MCF2L: variants seen among roughly 807,000 people sequenced by gnomAD.
MCF2L encodes the protein guanine nucleotide exchange factor DBS.
MCF2L carries 97 observed loss-of-function variants against 153.4 expected under a neutral mutation model. That is an observed-to-expected ratio of 0.63 (90% CI 0.54 to 0.75). The LOEUF (loss-of-function observed/expected upper bound fraction) is 0.75, where lower values mean the gene tolerates loss of function less well. Among genes scored for constraint, MCF2L ranks in the 30% least tolerant of loss-of-function variants. MCF2L has a pLI of 0.00. For synonymous variants in MCF2L, 659 were observed against 632.2 expected (o/e 1.04, Z -0.64); for missense variants, 1,347 against 1,495.2 (o/e 0.90, Z 1.64).
At chr13:113,050,017 C>T (rs893937287) in intron 4 of MCF2L, among the ~76,000 whole-genome samples, 2 of 148,650 alleles carry the variant, frequency 1.3e-5, no homozygotes. Flanking sequence ...GCTACCCACC[C>T]AGGGGGCAGA....
intron 4 of MCF2L, among the ~76,000 whole-genome samples, chr13:113,050,093 A>G (rs76232007): frequency 0.041 from 6,191 of 152,234 alleles, 220 homozygotes; most frequent in East Asian, 0.18. Flanking sequence ...CTCAGATAGA[A>G]GCATCTTTTA....
rs144161603 is a variant in MCF2L at position 113,075,047 on chromosome 13, T to C, written c.1166T>C (p.Ile389Thr). 239 of 1,612,702 alleles carry C rather than the reference T, an allele frequency of 1.5e-4. No homozygotes were observed. The highest frequency in any genetic ancestry group is 2.0e-4 in the Non-Finnish European group (230 of 1,179,248). The change falls in exon 11 of 30, where the codon ATT becomes ACT. Residue 389 changes from isoleucine (I) to threonine (T), a missense_variant. Ile to Thr is a moderately conservative substitution (Grantham distance 89, BLOSUM62 -1). Coordinates refer to ENST00000535094, the MANE Select transcript of MCF2L (RefSeq NM_001112732.3). ...RALSLDGEQLIGNKHYAVDSI... is the reference protein window; with the variant it reads ...RALSLDGEQLTGNKHYAVDSI... ...CTGTCTCTGGACGGCGAGCAGCTCA[T>C]TGGGAACAAGCACTACGCGGTAGAC...
At chr13:113,084,277 GAA>G (rs1464991043) in intron 18 of MCF2L, among the ~76,000 whole-genome samples, 12 of 124,618 alleles carry the variant, frequency 9.6e-5, no homozygotes, top group African/African-American at 1.8e-4. Context: ...CTGAACCCCA[GAA>G]AACGTCCTGA....
chr13:113,041,451 ATGTGGCCCTGCCCCCGTGAC>A, intron 3 of MCF2L, among the ~76,000 whole-genome samples: 6 of 150,884 alleles, frequency 4.0e-5, no homozygotes, highest in African/African-American at 1.2e-4. Flanking sequence ...ATGGGGGATC[ATGTGGCCCTGCCCCCGTGAC>A]CACAGTCAGT....
intron 21 of MCF2L, 76 bp downstream of exon 21, chr13:113,086,325 G>C (rs1018416404): frequency 1.8e-5 from 28 of 1,574,156 alleles, no homozygotes; most frequent in Non-Finnish European, 2.4e-5. Flanking sequence ...CGGCCTCCCT[G>C]CACACGCCCC....
chr13:112,988,574 G>A (rs1047878553), intron 1 of MCF2L, among the ~76,000 whole-genome samples: 1 of 151,234 alleles, frequency 6.6e-6, no homozygotes, highest in African/African-American at 2.4e-5. Flanking sequence ...CCCTGAGCAG[G>A]GGATGGGCTA....
In MCF2L at chr13:112,932,979, C is replaced by A. The variant is rs2081478387; in HGVS notation, c.169+30608C>A. On this transcript the variant is annotated intron_variant, in intron 2 of 29. Transcript: ENST00000375608. The surrounding 1 kb of genome is among the most constrained non-coding windows in gnomAD (Gnocchi z 4.6). ...GCAGGAGGTGGAGATTTTAGTGAGGCAAGATTGTGCCACTGCCCCCCAACC... is the reference window on the plus strand; with the variant it reads ...GCAGGAGGTGGAGATTTTAGTGAGGAAAGATTGTGCCACTGCCCCCCAACC... Among the ~76,000 whole-genome samples the A allele has an allele frequency of 6.6e-6, 1 of 152,064 alleles. No individual in the cohort carries two copies. Among genetic ancestry groups the A allele is most frequent in the Non-Finnish European group, 1.5e-5 (1 of 68,008 alleles).
intron 1 of MCF2L, among the ~76,000 whole-genome samples, chr13:112,972,905 G>A (rs1186624476): frequency 7.5e-6 from 1 of 133,812 alleles, no homozygotes; most frequent in Non-Finnish European, 1.6e-5. Flanking sequence ...AGCTCTTCCT[G>A]GGAAGGGCCT....
chr13:112,998,367 G>A (rs1023872572), intron 1 of MCF2L, among the ~76,000 whole-genome samples: 2 of 152,186 alleles, frequency 1.3e-5, no homozygotes, highest in African/African-American at 4.8e-5. Flanking sequence ...CCAAGCGTGA[G>A]GAGGCCGTGA....
chr13:113,084,108 AAAGTACTGAAT>A, intron 18 of MCF2L, 41 bp downstream of exon 18: 2 of 1,465,596 alleles, frequency 1.4e-6, no homozygotes, highest in South Asian at 2.3e-5. Flanking sequence ...CAACTTCTTA[AAAGTACTGAAT>A]AATGACTTCA....
At chr13:112,996,220 T>TGCTC (rs1396809895) in intron 1 of MCF2L, among the ~76,000 whole-genome samples, 2 of 152,100 alleles carry the variant, frequency 1.3e-5, no homozygotes, top group East Asian at 3.9e-4. Flanking sequence ...CCCAGGAGAC[T>TGCTC]AAGGCGGGAG....
intron 2 of MCF2L, among the ~76,000 whole-genome samples, chr13:112,930,414 T>C (rs887082711): frequency 6.6e-6 from 1 of 152,150 alleles, no homozygotes; most frequent in Non-Finnish European, 1.5e-5. Context: ...TAGATGCTTA[T>C]TGCCAAGAGG....
rs1405346265 is a variant in MCF2L at position 112,969,582 on chromosome 13, G to C, written c.79+124G>C. The C allele has an allele frequency of 2.7e-6, 4 of 1,480,462 alleles. No individual in the cohort carries two copies. In the Admixed American group the frequency reaches 8.2e-5, roughly 30 times the overall value. The allele number at this position is 1,480,462 out of a possible 1,614,324, so 91.7% of individuals were successfully genotyped here. A position where few individuals can be genotyped will look rare whatever the true frequency, so the allele number is the denominator to read the frequency against. ...GTTCCTTTCTAGCCGTGGTAGCTGTGACATGGGGGGCACTGGTTGGCAGCT... is the reference window on the plus strand; with the variant it reads ...GTTCCTTTCTAGCCGTGGTAGCTGTCACATGGGGGGCACTGGTTGGCAGCT... On this transcript the variant is annotated intron_variant, in intron 1 of 29. Coordinates refer to ENST00000535094, the MANE Select transcript of MCF2L (RefSeq NM_001112732.3). This position sits in a 1 kb window ranked among gnomAD's most constrained non-coding sequence, Gnocchi z 4.8.
At chr13:112,895,270 G>A (rs977610384) in intron 1 of MCF2L, among the ~76,000 whole-genome samples, 1 of 152,302 alleles carries the variant, frequency 6.6e-6, no homozygotes, top group East Asian at 1.9e-4. Flanking sequence ...GGCGTGGCCC[G>A]CATGACCCTC....
At chr13:112,931,249 C>A (rs1337002999) in intron 2 of MCF2L, among the ~76,000 whole-genome samples, 5 of 152,216 alleles carry the variant, frequency 3.3e-5, no homozygotes, top group African/African-American at 1.2e-4. Context: ...GAACAGGGTG[C>A]TGACCTGCGT....
intron 1 of MCF2L, among the ~76,000 whole-genome samples, chr13:112,997,123 C>A (rs929365250): frequency 6.6e-6 from 1 of 152,260 alleles, no homozygotes; most frequent in Non-Finnish European, 1.5e-5. Flanking sequence ...ACGTCTCCAT[C>A]TGGGGAGAGC....
chr13:113,095,704 C>A (rs1566891521), intron 27 of MCF2L: 50 of 992,480 alleles, frequency 5.0e-5, no homozygotes, highest in Non-Finnish European at 6.0e-5. Context: ...CTGCTCCAGG[C>A]CCTGCAGCCG....
intron 1 of MCF2L, chr13:113,001,728 G>A (rs745596275): frequency 6.6e-5 from 89 of 1,358,682 alleles, no homozygotes; most frequent in Middle Eastern, 2.7e-4. Flanking sequence ...ACATCGAATC[G>A]GAGGCCCTGG....
chr13:112,987,045 C>A (rs946079278), intron 1 of MCF2L, among the ~76,000 whole-genome samples: 4 of 152,134 alleles, frequency 2.6e-5, no homozygotes, highest in African/African-American at 9.7e-5. Flanking sequence ...GCCACAGCCA[C>A]CCTGGGCTGC....
Sources: gnomAD v4.1 joint callset for allele counts (sites outside exome capture counted in the v4.1 genomes callset) on GRCh38, gnomAD v4.1.1 for gene constraint, Gnocchi (gnomAD v3.1) non-coding constraint, MANE v1.5 for transcripts, NCBI Gene and HGNC (gene_info 2026-07-23, HGNC 2026-07-21) for gene names.